SYT8: variants seen among roughly 807,000 people sequenced by gnomAD.
SYT8 encodes synaptotagmin-8.
SYT8 carries 50 observed loss-of-function variants against 34.9 expected under a neutral mutation model. The ratio of observed to expected loss-of-function variants is 1.43; its 90% CI spans 1.14 to 1.81. SYT8 has a LOEUF of 1.81. SYT8 is among the 40% of genes most tolerant of loss of function. SYT8 has a pLI of 0.00. For synonymous variants in SYT8, 255 were observed against 234.2 expected, an observed-to-expected ratio of 1.09 and a Z score of -0.81; for missense variants, 595 against 529.0, an observed-to-expected ratio of 1.12 and a Z score of -1.22.
At chr11:1,832,826 G>A (rs1223952026), upstream of SYT8, among the ~76,000 whole-genome samples, 1 of 152,076 alleles carries the variant, frequency 6.6e-6, no homozygotes, top group Admixed American at 6.5e-5. Context: ...GCCGCTGGCC[G>A]GCCGCGGCAA....
chr11:1,835,071 C>A lies in SYT8; in HGVS notation c.-35C>A. The A allele has an allele frequency of 6.2e-7, 1 of 1,610,168 alleles. No individual in the cohort carries two copies. Among genetic ancestry groups the A allele is most frequent in the African/African-American group, 1.3e-5 (1 of 74,974 alleles). ...CCACCCTCCCAGCTGACCCAGCCTC[C>A]TGGGCCGCTTCTTCCAAACCAGCAG... is the stretch of plus-strand genomic sequence containing the variant. On this transcript the variant is annotated 5_prime_UTR_variant, in exon 1 of 8. The change creates a new upstream start codon in the 5' untranslated region. Transcript: ENST00000341958.
rs1846824460 is a variant in SYT8, at chr11:1,835,059, T to C, written c.-47T>C. ...GGGCCGGAGGGGCCACCCTCCCAGC[T>C]GACCCAGCCTCCTGGGCCGCTTCTT... On this transcript the variant is annotated 5_prime_UTR_variant, in exon 1 of 8. Transcript: ENST00000341958. 1 of 1,600,292 alleles carries C rather than the reference T, an allele frequency of 6.2e-7. No individual in the cohort carries two copies. The highest frequency in any genetic ancestry group is 8.5e-7 in the Non-Finnish European group (1 of 1,169,956).
At chr11:1,832,050 G>T (rs1846685866), upstream of SYT8, among the ~76,000 whole-genome samples, 1 of 152,228 alleles carries the variant, frequency 6.6e-6, no homozygotes, top group South Asian at 2.1e-4. Flanking sequence ...GCCTGAAATG[G>T]TGCCCGCCTT....
upstream of SYT8, among the ~76,000 whole-genome samples, chr11:1,832,163 T>TG (rs1248887812): frequency 6.6e-6 from 1 of 152,144 alleles, no homozygotes; most frequent in African/African-American, 2.4e-5. Context: ...ATGGCAGGTC[T>TG]GGGGGTCCTG....
At position 1,835,362 on chromosome 11, in the gene SYT8, G is replaced by A. The variant is rs148442765; in HGVS notation, c.161G>A (p.Cys54Tyr). ...GTCCTCCTCGTCTCCTGCCTCCTCT[G>A]TGCTGCCTGCTGCTGCTGCCGCCGC... ...AGVLLVSCLL[C>Y]AACCCCRRHR... Residue 54 changes from cysteine to tyrosine, a missense_variant, in exon 2 of 8, where the codon TGT becomes TAT. Transcript: ENST00000341958. 30 of 1,606,716 alleles carry A rather than the reference G, an allele frequency of 1.9e-5. No homozygotes were observed. The highest frequency in any genetic ancestry group is 2.7e-5 in the African/African-American group (2 of 74,914).
upstream of SYT8, among the ~76,000 whole-genome samples, chr11:1,832,084 G>A (rs1254567751): frequency 1.3e-5 from 2 of 152,238 alleles, no homozygotes; most frequent in Non-Finnish European, 2.9e-5. Context: ...GTCTAAAGGA[G>A]GGGCTCACCC....
Position 1,837,410 on chromosome 11 carries a change from C to A in SYT8, c.1143C>A (p.Arg381=), listed in dbSNP as rs776386017. ...CCCTGCAGCCCCGCCTTCGCCTGCG[C>A]CTGCCCTTGCCCCACTCCTGAATGC... ...MLALQPRLRL[R]LPLPHS Residue 381 remains arginine, a synonymous_variant, in exon 8 of 8, where the codon CGC becomes CGA. Transcript: ENST00000341958. 1 of 1,605,512 alleles carries A rather than the reference C, an allele frequency of 6.2e-7. No individual in the cohort carries two copies. The highest frequency in any genetic ancestry group is 1.7e-5 in the Admixed American group (1 of 59,954).
Position 1,836,267 on chromosome 11 carries a change from G to C in SYT8, c.499G>C (p.Glu167Gln). 2 of 1,561,458 alleles carry C rather than the reference G, an allele frequency of 1.3e-6. No individual in the cohort carries two copies. The highest frequency in any genetic ancestry group is 1.2e-5 in the South Asian group (1 of 81,614). ...AGGCACGCTCTGCCCCGTGTTTGAC[G>C]AGACCTGCTGCTTCCACGTGAGTCA... The part of the protein sequence containing the change: ...HRGTLCPVFD[E>Q]TCCFHIPQAE... Residue 167 changes from glutamate to glutamine, a missense_variant, in exon 4 of 8, where the codon GAG becomes CAG. Transcript: ENST00000341958.
chr11:1,834,366 A>C (rs972926850), upstream of SYT8: 1 of 594,368 alleles, frequency 1.7e-6, no homozygotes, highest in South Asian at 1.9e-5. The surrounding 1 kb of genome is among the most constrained non-coding windows in gnomAD (Gnocchi z 4.5). Flanking sequence ...TGTGTGTGGA[A>C]TGTTCTGGCC....
At chr11:1,832,912 G>A (rs540713496), upstream of SYT8, among the ~76,000 whole-genome samples, 24 of 152,306 alleles carry the variant, frequency 1.6e-4, 1 homozygote, top group South Asian at 4.8e-3. Context: ...AGCAAAGCGG[G>A]GGCACAGGGG....
chr11:1,836,404 T>A, intron 4 of SYT8, 21 bp from the exon 5 acceptor site: 1 of 1,525,088 alleles, frequency 6.6e-7, no homozygotes, highest in Non-Finnish European at 8.8e-7. Context: ...CAGCAGGGCC[T>A]GGCTCACGCC....
rs1332769408 is a variant in SYT8 at position 1,837,364 on chromosome 11, G to T, written c.1097G>T (p.Arg366Met). The T allele has an allele frequency of 1.3e-6, 2 of 1,597,764 alleles. No individual in the cohort carries two copies. Among genetic ancestry groups the T allele is most frequent in the Admixed American group, 3.3e-5 (2 of 59,742 alleles). The change falls in exon 8 of 8, where the codon AGG becomes ATG. Residue 366 changes from arginine to methionine, a missense_variant. Transcript: ENST00000341958. The part of the protein sequence containing the change: ...IAQRHPLRPA[R>M]EVDRMLALQP... ...CAGCGGCACCCCCTGCGGCCAGCCA[G>T]GGAGGTGGACCGCATGCTGGCCCTG...
At position 1,836,397 on chromosome 11, in the gene SYT8, C is replaced by T; in HGVS notation, c.517-28C>T. On this transcript the variant is annotated intron_variant, in intron 4 of 7. Transcript: ENST00000341958. ...GCTGGGTGGGCCTGAGCTAGGGCAG[C>T]AGGGCCTGGCTCACGCCGCTGCCTC... 2.0e-6 allele frequency: 3 copies of T among 1,517,506 alleles called. No individual in the cohort carries two copies. In the South Asian group the frequency reaches 3.9e-5, roughly 19 times the overall value. 94.0% of individuals were successfully genotyped at this position (1,517,506 alleles called of 1,614,324 possible).
In SYT8 at chr11:1,837,375, C is replaced by G. The variant is rs369083931; in HGVS notation, c.1108C>G (p.Arg370Gly). 8.4e-5 allele frequency: 135 copies of G among 1,599,118 alleles called. No individual in the cohort carries two copies. Among genetic ancestry groups the G allele is most frequent in the Non-Finnish European group, 1.1e-4 (129 of 1,176,870 alleles). ...HPLRPAREVD[R>G]MLALQPRLRL... ...CCTGCGGCCAGCCAGGGAGGTGGAC[C>G]GCATGCTGGCCCTGCAGCCCCGCCT... Residue 370 changes from arginine to glycine, a missense_variant, in exon 8 of 8, where the codon CGC becomes GGC. Transcript: ENST00000341958.
At chr11:1,834,277 G>A (rs775562079), upstream of SYT8, 34 of 514,248 alleles carry the variant, frequency 6.6e-5, no homozygotes, top group African/African-American at 1.8e-4. This position sits in a 1 kb window ranked among gnomAD's most constrained non-coding sequence, Gnocchi z 4.5. Flanking sequence ...AGCTGCGCCC[G>A]CCCCACCTTC....
chr11:1,835,696 A>G, intron 2 of SYT8, 190 bp from the exon 3 acceptor site: 2 of 735,170 alleles, frequency 2.7e-6, no homozygotes, highest in Non-Finnish European at 4.5e-6. Flanking sequence ...GGCAGGGGGT[A>G]CCCCAGATGC....
At chr11:1,836,322 C>T (rs1225254552) in intron 4 of SYT8, 38 bp downstream of exon 4, 1 of 1,499,008 alleles carries the variant, frequency 6.7e-7, no homozygotes, top group Non-Finnish European at 8.9e-7. Flanking sequence ...GCCTGGACGG[C>T]TGGATGGGCC....
chr11:1,837,130 C>T (rs1468321523), intron 7 of SYT8, 40 bp downstream of exon 7: 2 of 1,607,520 alleles, frequency 1.2e-6, no homozygotes, highest in African/African-American at 1.3e-5. Flanking sequence ...AGACCCAGTG[C>T]CAGACCACGA....
chr11:1,836,722 C>T (rs1374644203), intron 5 of SYT8, 34 bp from the exon 6 acceptor site: 2 of 1,601,608 alleles, frequency 1.2e-6, no homozygotes, highest in Admixed American at 1.7e-5. Context: ...CCAGAATCAC[C>T]CTCCCGGGCT....
Sources: gnomAD v4.1 joint callset for allele counts (sites outside exome capture counted in the v4.1 genomes callset) on GRCh38, gnomAD v4.1.1 for gene constraint, Gnocchi (gnomAD v3.1) non-coding constraint, MANE v1.5 for transcripts, NCBI Gene and HGNC (gene_info 2026-07-23, HGNC 2026-07-21) for gene names.